The following MBOAT7 variants were observed in gnomAD, a reference collection of about 807,000 sequenced individuals.
The protein encoded by MBOAT7 is membrane-bound acylglycerophosphatidylinositol O-acyltransferase MBOAT7.
MBOAT7 carries 40 observed loss-of-function variants against 47.4 expected under a neutral mutation model. The observed-to-expected ratio is 0.84, with a 90% CI of 0.66 to 1.10. The LOEUF (loss-of-function observed/expected upper bound fraction) is 1.10. MBOAT7 is among the 50% of genes least tolerant of loss of function. The probability of loss-of-function intolerance (pLI) is 0.00; values close to 1 mark genes in which losing one functional copy is unlikely to be tolerated. For synonymous variants in MBOAT7, 361 were observed against 292.0 expected (o/e 1.24, Z -2.41); for missense variants, 680 against 655.6 (o/e 1.04, Z -0.41).
chr19:54,180,831 C>T lies in MBOAT7; in HGVS notation c.796G>A (p.Val266Met), dbSNP rs1240560032. ...CIAAGFGAYPVAAKARAGGGP... is the reference protein window; with the variant it reads ...CIAAGFGAYPMAAKARAGGGP... ...CCTCCGGCCCGGGCTTTGGCGGCCA[C>T]GGGGTAGGCCCCAAAGCCGGCGGCA... is the stretch of plus-strand genomic sequence containing the variant. Residue 266 changes from valine to methionine, a missense_variant, in exon 6 of 8, where the codon GTG becomes ATG. Transcript: ENST00000245615. This position sits in a 1 kb window ranked among gnomAD's most constrained non-coding sequence, Gnocchi z 5.2. 17 of 1,572,102 alleles carry T rather than the reference C, an allele frequency of 1.1e-5. No individual in the cohort carries two copies. Among genetic ancestry groups the T allele is most frequent in the South Asian group, 2.3e-5 (2 of 86,316 alleles).
chr19:54,174,881 A>G (rs1223394171), intron 7 of MBOAT7, among the ~76,000 whole-genome samples: 1 of 151,834 alleles, frequency 6.6e-6, no homozygotes, highest in Non-Finnish European at 1.5e-5. Context: ...ACTCAGTCCT[A>G]TCAAGACCCT....
chr19:54,185,563 C>CG (rs1277129228), intron 4 of MBOAT7, among the ~76,000 whole-genome samples: 1 of 152,196 alleles, frequency 6.6e-6, no homozygotes, highest in Non-Finnish European at 1.5e-5. Flanking sequence ...AGCCAGCCAA[C>CG]GGCCTGTATC....
chr19:54,184,022 G>A (rs555274067), intron 4 of MBOAT7, among the ~76,000 whole-genome samples: 6 of 152,132 alleles, frequency 3.9e-5, no homozygotes, highest in African/African-American at 7.2e-5. Context: ...CACCCCAAAC[G>A]CACTGGAAAC....
At chr19:54,176,132 G>C (rs1174844443) in intron 7 of MBOAT7, among the ~76,000 whole-genome samples, 1 of 152,208 alleles carries the variant, frequency 6.6e-6, no homozygotes, top group African/African-American at 2.4e-5. Context: ...TGGGATTACA[G>C]GTCTGAGCCA....
At chr19:54,189,137 ACCCTC>A (rs1263141988) in intron 1 of MBOAT7, 196 bp downstream of exon 1, 1 of 149,986 alleles carries the variant, frequency 6.7e-6, no homozygotes, top group Non-Finnish European at 1.5e-5. Flanking sequence ...GGGATCGAAC[ACCCTC>A]CCCTCCCCAG....
At chr19:54,178,697 G>A in intron 7 of MBOAT7, 68 bp downstream of exon 7, 1 of 1,574,096 alleles carries the variant, frequency 6.4e-7, no homozygotes, top group Non-Finnish European at 8.6e-7. Flanking sequence ...GGACGCTGCA[G>A]GCTACCCTGG....
intron 7 of MBOAT7, among the ~76,000 whole-genome samples, chr19:54,175,013 T>TC (rs1278620456): frequency 6.8e-6 from 1 of 147,238 alleles, no homozygotes; most frequent in Non-Finnish European, 1.5e-5. Flanking sequence ...TCTCGCTCTG[T>TC]CGCCCAGGCT....
rs1244489257 is a variant in MBOAT7 at position 54,181,000 on chromosome 19, A to C, written c.627T>G (p.Ser209=). Residue 209 remains serine (S), a synonymous_variant, in exon 6 of 8, where the codon TCT becomes TCG. Transcript: ENST00000245615. The surrounding 1 kb of genome is among the most constrained non-coding windows in gnomAD (Gnocchi z 5.2). ...GCACGGCCTCCAGCGGGAAGAGGTGAGAGGAGAGCAGGAACAGCAGGCCGA... is the reference window on the plus strand; with the variant it reads ...GCACGGCCTCCAGCGGGAAGAGGTGCGAGGAGAGCAGGAACAGCAGGCCGA... The part of the protein sequence containing the change: ...PLFGLLFLLS[S]HLFPLEAVRE... 6.4e-7 allele frequency: 1 copy of C among 1,560,718 alleles called. No homozygotes were observed. Among genetic ancestry groups the C allele is most frequent in the African/African-American group, 1.3e-5 (1 of 74,094 alleles).
rs1209375295 is a variant in MBOAT7, at chr19:54,181,047, G to C, written c.580C>G (p.Arg194Gly). ...AVPSLRPLLRRAWPAPLFGLL... is the reference protein window; with the variant it reads ...AVPSLRPLLRGAWPAPLFGLL... Reference sequence around the variant, plus strand: ...CCGAAGAGCGGGGCCGGCCAGGCGCGGCGCAGCAGGGGCCGCAGGCTGGGC... The same window carrying C: ...CCGAAGAGCGGGGCCGGCCAGGCGCCGCGCAGCAGGGGCCGCAGGCTGGGC... Residue 194 changes from arginine to glycine, a missense_variant, in exon 6 of 8, where the codon CGC (arginine) becomes GGC (glycine). By Grantham distance (125) the Arg-to-Gly change is moderately radical. Transcript: ENST00000245615. The C allele has an allele frequency of 2.3e-5, 35 of 1,545,598 alleles. No homozygotes were observed. Among genetic ancestry groups the C allele is most frequent in the Non-Finnish European group, 7.9e-6 (9 of 1,145,366 alleles).
chr19:54,179,037 G>A, intron 6 of MBOAT7, 96 bp from the exon 7 acceptor site: 1 of 1,501,780 alleles, frequency 6.7e-7, no homozygotes, highest in Non-Finnish European at 9.0e-7. Flanking sequence ...TGCTAAGGAA[G>A]GGATCCTGGC....
In MBOAT7 at chr19:54,178,890, G is replaced by A. The variant is rs2146978957; in HGVS notation, c.906C>T (p.Ile302=). Residue 302 remains isoleucine, a synonymous_variant, in exon 7 of 8, where the codon ATC becomes ATT. Coordinates refer to ENST00000245615, the MANE Select transcript of MBOAT7 (RefSeq NM_024298.5). ...LEYDYETIRN[I]DCYSTDFCVR... The stretch of plus-strand genomic sequence containing the variant: ...CGCAGAAATCTGTGCTGTAGCAGTC[G>A]ATGTTGCGGATGGTCTCATAGTCAT... 2 of 1,613,550 alleles carry A rather than the reference G, an allele frequency of 1.2e-6. No individual in the cohort carries two copies. The highest frequency in any genetic ancestry group is 8.5e-7 in the Non-Finnish European group (1 of 1,180,014).
chr19:54,175,748 G>A (rs1181356580), intron 7 of MBOAT7, among the ~76,000 whole-genome samples: 1 of 151,930 alleles, frequency 6.6e-6, no homozygotes, highest in African/African-American at 2.4e-5. Flanking sequence ...TTGTTCAGAC[G>A]GAGTCTCGCT....
chr19:54,178,045 G>A (rs149013103), intron 7 of MBOAT7, among the ~76,000 whole-genome samples: 2 of 151,400 alleles, frequency 1.3e-5, no homozygotes, highest in East Asian at 3.9e-4. Context: ...CGAGTAGCTG[G>A]GACTACAGGC....
chr19:54,183,957 C>A (rs985028890), intron 4 of MBOAT7, among the ~76,000 whole-genome samples: 1 of 152,090 alleles, frequency 6.6e-6, no homozygotes, highest in Non-Finnish European at 1.5e-5. Context: ...CTACCCCAGC[C>A]CCAGACCTAT....
At position 54,178,827 on chromosome 19, in the gene MBOAT7, C is replaced by T. The variant is rs747431480; in HGVS notation, c.969G>A (p.Thr323=). ...VRDGMRYWNM[T]VQWWLAQYIY... is the part of the protein sequence containing the mutation. ...TATACTGCGCCAGCCACCACTGCACCGTCATGTTCCAGTACCGCATGCCAT... is the reference window on the plus strand; with the variant it reads ...TATACTGCGCCAGCCACCACTGCACTGTCATGTTCCAGTACCGCATGCCAT... The change falls in exon 7 of 8, where the codon ACG becomes ACA. Residue 323 remains threonine (T), a synonymous_variant. Coordinates refer to ENST00000245615, the MANE Select transcript of MBOAT7 (RefSeq NM_024298.5). 44 of 1,613,500 alleles carry T rather than the reference C, an allele frequency of 2.7e-5. No homozygotes were observed. The highest frequency in any genetic ancestry group is 1.3e-4 in the Admixed American group (8 of 59,998).
At chr19:54,178,672 C>A in intron 7 of MBOAT7, 93 bp downstream of exon 7, 4 of 1,520,284 alleles carry the variant, frequency 2.6e-6, no homozygotes, top group Non-Finnish European at 2.6e-6. Context: ...CCTCCGGGGG[C>A]AGGGGCCCAG....
At chr19:54,175,976 G>A (rs1369706401) in intron 7 of MBOAT7, among the ~76,000 whole-genome samples, 4 of 152,114 alleles carry the variant, frequency 2.6e-5, no homozygotes, top group Admixed American at 6.6e-5. Flanking sequence ...ACCCGCCGTG[G>A]CCTACCAAAG....
intron 5 of MBOAT7, among the ~76,000 whole-genome samples, chr19:54,181,337 C>CAGAGAG (rs1047775929): frequency 1.3e-5 from 2 of 151,930 alleles, no homozygotes; most frequent in Non-Finnish European, 2.9e-5. Flanking sequence ...ACAAGAAACT[C>CAGAGAG]AGAGAGACAG....
intron 4 of MBOAT7, among the ~76,000 whole-genome samples, chr19:54,186,521 G>A (rs920663349): frequency 6.6e-6 from 1 of 152,126 alleles, no homozygotes; most frequent in Non-Finnish European, 1.5e-5. Flanking sequence ...TGTAGCCTGT[G>A]GAACCCAGCC....
Sources: gnomAD v4.1 joint callset for allele counts (sites outside exome capture counted in the v4.1 genomes callset) on GRCh38, gnomAD v4.1.1 for gene constraint, Gnocchi (gnomAD v3.1) non-coding constraint, MANE v1.5 for transcripts, NCBI Gene and HGNC (gene_info 2026-07-23, HGNC 2026-07-21) for gene names.